ZSCAN18: variants seen among roughly 807,000 people sequenced by gnomAD.
ZSCAN18 encodes the protein zinc finger and SCAN domain-containing protein 18.
ZSCAN18 carries 16 observed loss-of-function variants against 31.1 expected under a neutral mutation model. The observed-to-expected ratio is 0.51, with a 90% CI of 0.35 to 0.78. The LOEUF is 0.78. Ranked by LOEUF, ZSCAN18 falls within the 30% of genes least tolerant of loss-of-function variation. ZSCAN18 has a pLI of 0.01. For missense variants in ZSCAN18, 731 were observed against 697.4 expected, an observed-to-expected ratio of 1.05 and a Z score of -0.54; for synonymous variants, 375 against 320.7, an observed-to-expected ratio of 1.17 and a Z score of -1.81.
intron 3 of ZSCAN18, 153 bp downstream of exon 3, chr19:58,088,535 T>G (rs1466848768): frequency 2.9e-6 from 2 of 692,094 alleles, no homozygotes; most frequent in Non-Finnish European, 4.8e-6. Flanking sequence ...ATGTCTAACA[T>G]TCAGAGAAAC....
intron 5 of ZSCAN18, chr19:58,086,588 G>A: frequency 2.1e-6 from 1 of 469,728 alleles, no homozygotes; most frequent in Non-Finnish European, 3.8e-6. Context: ...CTACAAAAGA[G>A]GAGACCCTTG....
chr19:58,087,567 C>A, intron 3 of ZSCAN18, 163 bp from the exon 4 acceptor site: 1 of 635,066 alleles, frequency 1.6e-6, no homozygotes, highest in Middle Eastern at 4.3e-4. Flanking sequence ...ATTTACAAAG[C>A]AGCGCGGTGG....
At chr19:58,107,851 C>T in intron 1 of ZSCAN18, 1 of 1,035,810 alleles carries the variant, frequency 9.7e-7, no homozygotes. Flanking sequence ...CACAAGGTCG[C>T]CTGAGCATGT....
exon 1 of ZSCAN18, chr19:58,118,383 C>G: frequency 6.5e-7 from 1 of 1,530,942 alleles, no homozygotes; most frequent in Non-Finnish European, 8.8e-7. Context: ...AGCTCGCCCT[C>G]CGACTCTCCG....
chr19:58,094,877 CAAAAAAAAAAAA>C (rs56377325), intron 1 of ZSCAN18, among the ~76,000 whole-genome samples: 16 of 35,286 alleles, frequency 4.5e-4, no homozygotes, highest in South Asian at 3.9e-3. Flanking sequence ...GACCCTGTCG[CAAAAAAAAAAAA>C]AAAAAAAAAA....
chr19:58,105,752 G>A (rs2074629760), intron 1 of ZSCAN18, among the ~76,000 whole-genome samples: 1 of 152,160 alleles, frequency 6.6e-6, no homozygotes, highest in Non-Finnish European at 1.5e-5. Flanking sequence ...GGTTGAAGCA[G>A]GTGGATTACT....
intron 1 of ZSCAN18, chr19:58,108,740 C>T (rs944669103): frequency 4.1e-6 from 4 of 985,584 alleles, no homozygotes; most frequent in South Asian, 4.7e-5. Context: ...AACACCTCCT[C>T]GTGTCCTTCT....
chr19:58,104,196 T>C (rs1035962073), intron 1 of ZSCAN18, among the ~76,000 whole-genome samples: 3 of 152,062 alleles, frequency 2.0e-5, no homozygotes, highest in African/African-American at 7.3e-5. Context: ...TTAGCCAACA[T>C]GGTGAAACCC....
intron 1 of ZSCAN18, 196 bp downstream of exon 1, chr19:58,097,978 G>A (rs985678254): frequency 1.4e-5 from 14 of 985,286 alleles, no homozygotes; most frequent in African/African-American, 1.8e-5. Context: ...CCTCCGGGGG[G>A]ACCCGGCCCC....
intron 2 of ZSCAN18, among the ~76,000 whole-genome samples, 190 bp from the exon 3 acceptor site, chr19:58,089,027 G>A (rs1383818230): frequency 2.6e-5 from 4 of 152,176 alleles, no homozygotes; most frequent in African/African-American, 7.2e-5. Context: ...CTGGGGGCCG[G>A]GCGCGGTGGC....
At chr19:58,099,020 G>A (rs1018544778), upstream of ZSCAN18, among the ~76,000 whole-genome samples, 8 of 152,312 alleles carry the variant, frequency 5.3e-5, 2 homozygotes, top group Admixed American at 5.2e-4. Context: ...GCAGGATAGG[G>A]CCAGGAGCTG....
intron 1 of ZSCAN18, among the ~76,000 whole-genome samples, chr19:58,106,645 A>G (rs1233571500): frequency 6.6e-5 from 1 of 15,126 alleles, no homozygotes; most frequent in African/African-American, 1.4e-4. Flanking sequence ...CGGAGCTTGC[A>G]GTGAGCCGAG....
At chr19:58,114,941 G>A (rs552399223) in intron 1 of ZSCAN18, among the ~76,000 whole-genome samples, 18 of 152,362 alleles carry the variant, frequency 1.2e-4, no homozygotes, top group African/African-American at 3.6e-4. Flanking sequence ...AGAGACGGTT[G>A]TAAGTGTTCA....
At chr19:58,091,989 G>C (rs2074421480) in intron 1 of ZSCAN18, among the ~76,000 whole-genome samples, 1 of 152,132 alleles carries the variant, frequency 6.6e-6, no homozygotes. Context: ...CCAGAATATG[G>C]GGCGCAAAGA....
In ZSCAN18 at chr19:58,085,126, CG is replaced by C; in HGVS notation, c.1091del (p.Thr364ArgfsTer65). ...GCGGCCTCTTGGTTCCCAGTTTCGCCGTGCCCCTGTCCGGGGCAGGCTGCTG... is the reference window on the plus strand; with the variant it reads ...GCGGCCTCTTGGTTCCCAGTTTCGCCTGCCCCTGTCCGGGGCAGGCTGCTG... ...VIQQPAPDRG[T>X]AKLGTKRPHP... On this transcript the variant is annotated frameshift_variant, in exon 7 of 7. Coordinates refer to ENST00000601144, the MANE Select transcript of ZSCAN18 (RefSeq NM_001145543.2). LOFTEE classifies it low-confidence loss of function (END_TRUNC). 6.2e-7 allele frequency: 1 copy of C among 1,608,354 alleles called. No individual in the cohort carries two copies. The highest frequency in any genetic ancestry group is 1.1e-5 in the South Asian group (1 of 90,586).
chr19:58,098,143 C>G (rs1322372148), intron 1 of ZSCAN18, 31 bp downstream of exon 1: 1 of 985,400 alleles, frequency 1.0e-6, no homozygotes, highest in Non-Finnish European at 1.2e-6. Flanking sequence ...CGCTCTCTGA[C>G]CCCCGCGCTG....
Position 58,084,269 on chromosome 19 carries a change from G to A in ZSCAN18, c.*416C>T, listed in dbSNP as rs1296369868. On this transcript the variant is annotated 3_prime_UTR_variant, in exon 7 of 7. Coordinates refer to ENST00000601144, the MANE Select transcript of ZSCAN18 (RefSeq NM_001145543.2). This position sits in a 1 kb window ranked among gnomAD's most constrained non-coding sequence, Gnocchi z 4.5. ...CCAAGTACGAAAAGGCTAAACAGCT[G>A]ACAAAATTTCCACTTGAGCAACCCT... is the stretch of plus-strand genomic sequence containing the variant. The A allele has an allele frequency of 6.0e-6, 1 of 167,618 alleles. No individual in the cohort carries two copies. 10.4% of individuals were successfully genotyped at this position (167,618 alleles called of 1,614,324 possible). A position where few individuals can be genotyped will look rare whatever the true frequency, so the allele number is the denominator to read the frequency against.
intron 5 of ZSCAN18, chr19:58,086,601 C>T: frequency 2.1e-6 from 1 of 472,858 alleles, no homozygotes; most frequent in Non-Finnish European, 3.7e-6. Flanking sequence ...GACCCTTGAT[C>T]AGGCCATGCA....
intron 6 of ZSCAN18, 78 bp downstream of exon 6, chr19:58,086,096 C>T (rs955593410): frequency 5.6e-6 from 7 of 1,241,194 alleles, no homozygotes; most frequent in South Asian, 2.5e-5. Flanking sequence ...GGGCTGATGG[C>T]GCTGGGAGGG....
Sources: allele counts gnomAD v4.1 joint callset (sites outside exome capture counted in the v4.1 genomes callset), GRCh38; gene constraint gnomAD v4.1.1; non-coding constraint Gnocchi (gnomAD v3.1); transcripts MANE v1.5; gene names NCBI Gene and HGNC (gene_info 2026-07-23, HGNC 2026-07-21).